Variants in FER observed in about 807,000 individuals in gnomAD.
FER encodes the protein tyrosine-protein kinase Fer.
FER carries 63 observed loss-of-function variants against 111.0 expected under a neutral mutation model. The ratio of observed to expected loss-of-function variants is 0.57; its 90% CI spans 0.46 to 0.70. The LOEUF (loss-of-function observed/expected upper bound fraction) is 0.70. Among genes scored for constraint, FER ranks in the 30% least tolerant of loss-of-function variants. The pLI, the probability that FER is intolerant of heterozygous loss-of-function variation, is 0.00. For missense variants in FER, 914 were observed against 954.0 expected (o/e 0.96, Z 0.55); for synonymous variants, 327 against 313.9 (o/e 1.04, Z -0.44).
intron 17 of FER, among the ~76,000 whole-genome samples, chr5:109,146,244 A>ATT (rs373376729): frequency 0.031 from 2,008 of 65,216 alleles, 171 homozygotes; most frequent in African/African-American, 0.071. Flanking sequence ...ATATATATAT[A>ATT]ATCTATCTAA....
intron 16 of FER, among the ~76,000 whole-genome samples, chr5:109,078,859 G>A (rs1776667255): frequency 6.6e-6 from 1 of 152,138 alleles, no homozygotes; most frequent in African/African-American, 2.4e-5. Flanking sequence ...AAGTCCATAA[G>A]AGAGGATCAC....
intron 10 of FER, among the ~76,000 whole-genome samples, chr5:108,899,594 C>T (rs959478335): frequency 6.0e-5 from 9 of 151,092 alleles, no homozygotes; most frequent in South Asian, 2.1e-4. Flanking sequence ...GTCAGGAGAT[C>T]GAGACCATCC....
chr5:109,055,732 A>C, intron 16 of FER, among the ~76,000 whole-genome samples: 1 of 149,350 alleles, frequency 6.7e-6, no homozygotes, highest in East Asian at 2.0e-4. Flanking sequence ...GTCTGCAGTG[A>C]GCTGTGATCA....
chr5:109,162,203 A>G (rs1238468634), intron 17 of FER, among the ~76,000 whole-genome samples: 2 of 152,104 alleles, frequency 1.3e-5, no homozygotes, highest in African/African-American at 4.8e-5. Context: ...AGCTTTTAAA[A>G]CAAATAGGGA....
chr5:109,108,209 A>G (rs1377651904), intron 17 of FER, among the ~76,000 whole-genome samples: 3 of 152,168 alleles, frequency 2.0e-5, no homozygotes, highest in African/African-American at 7.2e-5. Flanking sequence ...ACATTTCATA[A>G]TGGAATAGAT....
At chr5:108,836,385 T>A (rs959207839) in intron 5 of FER, among the ~76,000 whole-genome samples, 1 of 152,150 alleles carries the variant, frequency 6.6e-6, no homozygotes, top group Admixed American at 6.5e-5. Context: ...TTTGAAATGT[T>A]AGATTTCAGT....
intron 11 of FER, among the ~76,000 whole-genome samples, chr5:108,952,416 C>G (rs532147621): frequency 2.3e-4 from 32 of 139,426 alleles, no homozygotes; most frequent in African/African-American, 7.4e-4. Context: ...CTAGAGAAGT[C>G]TTTGAAAGAC....
At chr5:109,121,272 G>T (rs1477360400) in intron 17 of FER, among the ~76,000 whole-genome samples, 1 of 151,952 alleles carries the variant, frequency 6.6e-6, no homozygotes, top group Non-Finnish European at 1.5e-5. Context: ...TGTTTCTTCT[G>T]TACCAAGTTT....
intron 13 of FER, among the ~76,000 whole-genome samples, chr5:108,964,302 T>C (rs1759520336): frequency 6.6e-6 from 1 of 152,164 alleles, no homozygotes; most frequent in Non-Finnish European, 1.5e-5. Flanking sequence ...TTTTTAAATA[T>C]TATCAAAGAA....
At chr5:109,179,503 T>C (rs1758052966) in intron 17 of FER, among the ~76,000 whole-genome samples, 1 of 152,250 alleles carries the variant, frequency 6.6e-6, no homozygotes. Flanking sequence ...TCGATTACTT[T>C]TAAAATGTTA....
At chr5:108,864,373 T>C (rs529862008) in intron 5 of FER, among the ~76,000 whole-genome samples, 1 of 152,290 alleles carries the variant, frequency 6.6e-6, no homozygotes, top group African/African-American at 2.4e-5. Context: ...TCTGTTGTTC[T>C]TCCTAGGAAT....
At chr5:108,862,862 A>C (rs912760255) in intron 5 of FER, among the ~76,000 whole-genome samples, 1 of 152,072 alleles carries the variant, frequency 6.6e-6, no homozygotes, top group African/African-American at 2.4e-5. Flanking sequence ...CAGACTAAAA[A>C]CCAAAAACCT....
At chr5:109,175,886 G>A (rs1279725205) in intron 17 of FER, among the ~76,000 whole-genome samples, 1 of 152,178 alleles carries the variant, frequency 6.6e-6, no homozygotes, top group Non-Finnish European at 1.5e-5. Flanking sequence ...GGCCGAGGTG[G>A]GAGAATCGCA....
chr5:109,003,020 G>C (rs1365468495), intron 13 of FER, among the ~76,000 whole-genome samples: 9 of 152,172 alleles, frequency 5.9e-5, no homozygotes, highest in Non-Finnish European at 1.2e-4. Context: ...CTGTTGGTGG[G>C]ACTGTAAACT....
chr5:108,798,385 C>G lies in FER; in HGVS notation c.203C>G (p.Ser68Cys), dbSNP rs747273932. 1 of 1,607,594 alleles carries G rather than the reference C, an allele frequency of 6.2e-7. No individual in the cohort carries two copies. Among genetic ancestry groups the G allele is most frequent in the African/African-American group, 1.3e-5 (1 of 74,684 alleles). ...CAAATGAATTATGTCAGCAACGTATCCAAGGTAAGAAGAATAATTTCACTC... is the reference window on the plus strand; with the variant it reads ...CAAATGAATTATGTCAGCAACGTATGCAAGGTAAGAAGAATAATTTCACTC... ...TVQMNYVSNV[S>C]KSWLLMIQQT... is the part of the protein sequence containing the mutation. Residue 68 changes from serine to cysteine, a missense_variant, in exon 3 of 20, where the codon TCC becomes TGC. By Grantham distance (112) the Ser-to-Cys change is moderately radical. Coordinates refer to ENST00000281092, the MANE Select transcript of FER (RefSeq NM_005246.4).
chr5:108,868,056 C>T (rs1383411469), intron 6 of FER, 106 bp downstream of exon 6: 1 of 1,021,054 alleles, frequency 9.8e-7, no homozygotes, highest in East Asian at 2.6e-5. Flanking sequence ...TTAACCCAGT[C>T]CAGGGGGTAT....
intron 13 of FER, among the ~76,000 whole-genome samples, chr5:109,025,634 C>A (rs907723940): frequency 6.7e-6 from 1 of 149,736 alleles, no homozygotes; most frequent in African/African-American, 2.5e-5. Flanking sequence ...CCTAATTGCC[C>A]TGGCCAGAAC....
intron 10 of FER, among the ~76,000 whole-genome samples, chr5:108,899,151 TA>T (rs1333219669): frequency 2.0e-5 from 3 of 152,040 alleles, no homozygotes; most frequent in South Asian, 2.1e-4. Context: ...ATGAAGTATT[TA>T]AACAATTGTG....
chr5:109,065,373 T>C (rs912138021), intron 16 of FER, among the ~76,000 whole-genome samples: 4 of 152,228 alleles, frequency 2.6e-5, no homozygotes, highest in Non-Finnish European at 2.9e-5. Flanking sequence ...GATTCTATTA[T>C]GTAGAAACCA....
Sources: gnomAD v4.1 joint callset for allele counts (sites outside exome capture counted in the v4.1 genomes callset) on GRCh38, gnomAD v4.1.1 for gene constraint, MANE v1.5 for transcripts, NCBI Gene and HGNC (gene_info 2026-07-23, HGNC 2026-07-21) for gene names.